HDAC4: variants seen among roughly 807,000 people sequenced by gnomAD.
The protein encoded by HDAC4 is histone deacetylase 4, also known as histone deacetylase A.
Under a neutral mutation model 135.1 loss-of-function variants are expected in HDAC4, and 16 were observed. The observed-to-expected ratio is 0.12, with a 90% CI of 0.08 to 0.18. The LOEUF (loss-of-function observed/expected upper bound fraction) is 0.18. Ranked by LOEUF, HDAC4 falls within the 10% of genes least tolerant of loss-of-function variation. HDAC4 has a pLI of 1.00. For missense variants in HDAC4, 1,143 were observed against 1,511.8 expected, an observed-to-expected ratio of 0.76 and a Z score of 4.05; for synonymous variants, 685 against 653.4, an observed-to-expected ratio of 1.05 and a Z score of -0.74.
In HDAC4 at chr2:239,285,179, A is replaced by G. The variant is rs557955173; in HGVS notation, c.23-48515T>C. Reference sequence around the variant, plus strand: ...CTGCAGATGGTACAGAGAAAGCGTTACACAGTGAGAAAACAGGCAGCTGGA... The same window carrying G: ...CTGCAGATGGTACAGAGAAAGCGTTGCACAGTGAGAAAACAGGCAGCTGGA... On this transcript the variant is annotated intron_variant, in intron 2 of 26. Transcript: ENST00000543185. This position sits in a 1 kb window ranked among gnomAD's most constrained non-coding sequence, Gnocchi z 4.5. Among the ~76,000 whole-genome samples, 2 of 152,350 alleles carry G rather than the reference A, an allele frequency of 1.3e-5. No individual in the cohort carries two copies. Among genetic ancestry groups the G allele is most frequent in the East Asian group, 3.9e-4 (2 of 5,178 alleles).
chr2:239,205,686 A>AGAGGAG (rs142632861), intron 3 of HDAC4, among the ~76,000 whole-genome samples: 5 of 151,592 alleles, frequency 3.3e-5, no homozygotes, highest in Admixed American at 1.3e-4. Flanking sequence ...AGAAGAAGGA[A>AGAGGAG]GAGGAGGAGG....
At chr2:239,077,199 C>G (rs1321002436) in intron 22 of HDAC4, among the ~76,000 whole-genome samples, 2 of 152,272 alleles carry the variant, frequency 1.3e-5, no homozygotes, top group East Asian at 3.8e-4. Context: ...CCCGATAGAG[C>G]CCCTGCCATC....
intron 24 of HDAC4, among the ~76,000 whole-genome samples, chr2:239,058,495 C>A (rs985185461): frequency 2.0e-5 from 3 of 152,160 alleles, no homozygotes; most frequent in Non-Finnish European, 4.4e-5. Context: ...ATAGGAGACA[C>A]ATCTGAAACT....
chr2:239,343,498 A>T (rs1692427079), intron 2 of HDAC4, among the ~76,000 whole-genome samples: 1 of 152,256 alleles, frequency 6.6e-6, no homozygotes, highest in South Asian at 2.1e-4. Flanking sequence ...ACGTTGCAGG[A>T]CAGGGCCCCA....
At chr2:239,237,073 A>G (rs2047928153) in intron 2 of HDAC4, among the ~76,000 whole-genome samples, 1 of 152,186 alleles carries the variant, frequency 6.6e-6, no homozygotes, top group South Asian at 2.1e-4. Context: ...AACACAGCAC[A>G]GGGAGCCCTC....
intron 13 of HDAC4, among the ~76,000 whole-genome samples, chr2:239,112,273 C>G (rs955542761): frequency 6.6e-6 from 1 of 152,200 alleles, no homozygotes; most frequent in Non-Finnish European, 1.5e-5. Flanking sequence ...GAAGCCCAAC[C>G]CCCTTGTTGG....
intron 2 of HDAC4, among the ~76,000 whole-genome samples, chr2:239,316,936 A>C (rs1364017557): frequency 6.6e-6 from 1 of 152,170 alleles, no homozygotes; most frequent in Non-Finnish European, 1.5e-5. Flanking sequence ...CAAAAAGTAC[A>C]CAGGGGGAAA....
At position 239,150,280 on chromosome 2, in the gene HDAC4, TACAC is replaced by T. The variant is rs1276126148; in HGVS notation, c.734-5570_734-5567del. Among the ~76,000 whole-genome samples, 4 of 148,298 alleles carry T rather than the reference TACAC, an allele frequency of 2.7e-5. No individual in the cohort carries two copies. In the East Asian group the frequency reaches 6.0e-4, roughly 22 times the overall value. On this transcript the variant is annotated intron_variant, in intron 7 of 26. Transcript: ENST00000543185. ...ACAGATACACACACAGAAACATAGA[TACAC>T]ACACAGGTACATACACAGATATACA...
intron 4 of HDAC4, chr2:239,186,988 G>A (rs1377253984): frequency 6.6e-6 from 1 of 152,520 alleles, no homozygotes; most frequent in South Asian, 2.1e-4. Context: ...CTTTAACCTC[G>A]CTCTGCACCG....
intron 2 of HDAC4, among the ~76,000 whole-genome samples, chr2:239,293,890 G>A (rs1439836136): frequency 1.3e-5 from 2 of 152,208 alleles, no homozygotes; most frequent in African/African-American, 4.8e-5. Context: ...TTTCTAGTGG[G>A]AAAACATTTA....
chr2:239,088,629 G>A (rs933913914), intron 18 of HDAC4, among the ~76,000 whole-genome samples: 55 of 152,320 alleles, frequency 3.6e-4, no homozygotes, highest in African/African-American at 1.2e-3. Context: ...CAGGGCGTGT[G>A]TGTGTGTGTG....
intron 2 of HDAC4, among the ~76,000 whole-genome samples, chr2:239,253,766 C>T (rs1439507873): frequency 6.6e-6 from 1 of 152,214 alleles, no homozygotes; most frequent in East Asian, 1.9e-4. Context: ...AAACGGCCCT[C>T]TGAGCAGGTG....
At chr2:239,094,142 CCTGTAACCGT>C in intron 17 of HDAC4, 1 of 985,450 alleles carries the variant, frequency 1.0e-6, no homozygotes, top group South Asian at 4.7e-5. Context: ...GTCCTCCCTG[CCTGTAACCGT>C]CTGTGGTGAT....
At chr2:239,224,162 C>T (rs1187251254) in intron 3 of HDAC4, among the ~76,000 whole-genome samples, 1 of 152,236 alleles carries the variant, frequency 6.6e-6, no homozygotes, top group Non-Finnish European at 1.5e-5. Context: ...AGGTCACCCT[C>T]GACTCTTCTG....
At chr2:239,081,224 G>A (rs755557992) in intron 21 of HDAC4, 32 bp from the exon 22 acceptor site, 3 of 1,574,966 alleles carry the variant, frequency 1.9e-6, no homozygotes, top group African/African-American at 2.7e-5. Flanking sequence ...CACACGTCAT[G>A]GACCCCGAGC....
intron 2 of HDAC4, chr2:239,298,578 A>G: frequency 1.2e-5 from 12 of 1,020,706 alleles, no homozygotes; most frequent in Non-Finnish European, 1.4e-5. Flanking sequence ...GCCTCATTCC[A>G]CCCACATCCG....
intron 1 of HDAC4, among the ~76,000 whole-genome samples, chr2:239,377,946 T>C (rs956309803): frequency 6.6e-6 from 1 of 152,078 alleles, no homozygotes; most frequent in Admixed American, 6.6e-5. Flanking sequence ...GACCTCTAAT[T>C]TTCCCTGAAA....
intron 1 of HDAC4, among the ~76,000 whole-genome samples, chr2:239,364,656 A>T (rs1345754372): frequency 6.6e-6 from 1 of 152,260 alleles, no homozygotes; most frequent in Non-Finnish European, 1.5e-5. Flanking sequence ...TGGCTTGTGT[A>T]CTTTTCTCAT....
intron 7 of HDAC4, among the ~76,000 whole-genome samples, chr2:239,152,141 A>C (rs530317977): frequency 6.6e-6 from 1 of 152,342 alleles, no homozygotes; most frequent in South Asian, 2.1e-4. Flanking sequence ...AACATCATCA[A>C]AATGACAAAA....
Sources: gnomAD v4.1 joint callset for allele counts (sites outside exome capture counted in the v4.1 genomes callset) on GRCh38, gnomAD v4.1.1 for gene constraint, Gnocchi (gnomAD v3.1) non-coding constraint, MANE v1.5 for transcripts, NCBI Gene and HGNC (gene_info 2026-07-23, HGNC 2026-07-21) for gene names.